The following ARFIP1 variants were observed in gnomAD, a reference collection of about 807,000 sequenced individuals.
ARFIP1 encodes ARF interacting protein 1.
A neutral mutation model predicts 42.5 loss-of-function variants in ARFIP1; 24 were observed. The observed-to-expected ratio is 0.57, with a 90% CI of 0.41 to 0.80. The LOEUF is 0.80. Among genes scored for constraint, ARFIP1 ranks in the 30% least tolerant of loss-of-function variants. The pLI, the probability that ARFIP1 is intolerant of heterozygous loss-of-function variation, is 0.00. For missense variants in ARFIP1, 354 were observed against 434.0 expected, an observed-to-expected ratio of 0.82 and a Z score of 1.64; for synonymous variants, 141 against 153.7, an observed-to-expected ratio of 0.92 and a Z score of 0.61.
At chr4:152,885,535 A>G (rs1236685368) in intron 7 of ARFIP1, among the ~76,000 whole-genome samples, 1 of 151,898 alleles carries the variant, frequency 6.6e-6, no homozygotes, top group Admixed American at 6.6e-5. Context: ...GCAACCTTGA[A>G]GTGAAGTTGC....
At chr4:152,864,318 T>A (rs1417018931) in intron 3 of ARFIP1, among the ~76,000 whole-genome samples, 2 of 152,208 alleles carry the variant, frequency 1.3e-5, no homozygotes, top group African/African-American at 4.8e-5. Context: ...TAATATTCTT[T>A]AAGCATTCTT....
At chr4:152,888,617 C>G (rs965927778) in intron 8 of ARFIP1, among the ~76,000 whole-genome samples, 18 of 152,088 alleles carry the variant, frequency 1.2e-4, no homozygotes, top group African/African-American at 9.7e-5. Flanking sequence ...AGATTATGCT[C>G]TGAATATTTT....
chr4:152,874,130 C>T (rs1194355567), intron 5 of ARFIP1, among the ~76,000 whole-genome samples: 8 of 151,980 alleles, frequency 5.3e-5, no homozygotes, highest in African/African-American at 1.2e-4. Context: ...TCTATTTGTT[C>T]CTATGTGTTT....
intron 8 of ARFIP1, among the ~76,000 whole-genome samples, chr4:152,894,540 A>C (rs1258072175): frequency 2.0e-5 from 3 of 152,226 alleles, no homozygotes; most frequent in Non-Finnish European, 4.4e-5. Context: ...TCTAAAGCAA[A>C]AACAGTAGTA....
intron 1 of ARFIP1, among the ~76,000 whole-genome samples, chr4:152,829,080 C>T (rs1398150908): frequency 2.0e-5 from 3 of 152,218 alleles, no homozygotes; most frequent in South Asian, 4.1e-4. Context: ...ACCTATTTGT[C>T]TGTTCTTTCA....
intron 8 of ARFIP1, among the ~76,000 whole-genome samples, chr4:152,891,821 G>A (rs573772367): frequency 2.7e-5 from 4 of 150,780 alleles, no homozygotes; most frequent in Admixed American, 6.6e-5. Flanking sequence ...CAGTTCTCTT[G>A]CCTCAGCCTC....
intron 8 of ARFIP1, among the ~76,000 whole-genome samples, chr4:152,909,350 A>G (rs1002326556): frequency 3.9e-5 from 6 of 152,236 alleles, no homozygotes; most frequent in African/African-American, 1.4e-4. Context: ...GTGCCACTGC[A>G]TAACAGCCTG....
At chr4:152,811,090 C>CTTTTTTTTTT (rs5863021) in intron 1 of ARFIP1, among the ~76,000 whole-genome samples, 1 of 74,430 alleles carries the variant, frequency 1.3e-5, no homozygotes, top group Non-Finnish European at 2.5e-5. Context: ...AAGGTTAAGC[C>CTTTTTTTTTT]TTTTTTTTTT....
intron 8 of ARFIP1, among the ~76,000 whole-genome samples, chr4:152,898,228 C>T (rs951963956): frequency 2.6e-5 from 4 of 151,898 alleles, no homozygotes; most frequent in East Asian, 1.9e-4. Flanking sequence ...GTGATCCACC[C>T]GCCTCGCCCT....
intron 1 of ARFIP1, among the ~76,000 whole-genome samples, chr4:152,782,220 AG>A (rs1195113041): frequency 2.1e-5 from 2 of 95,670 alleles, no homozygotes; most frequent in Non-Finnish European, 4.2e-5. Context: ...GAAAACAGGT[AG>A]GGGTGTGTGT....
chr4:152,815,434 T>C (rs184509153), intron 1 of ARFIP1, among the ~76,000 whole-genome samples: 16 of 152,352 alleles, frequency 1.1e-4, no homozygotes, highest in Non-Finnish European at 1.8e-4. Flanking sequence ...GTCTTCTAAA[T>C]TTCTTATTCC....
At position 152,811,532 on chromosome 4, in the gene ARFIP1, C is replaced by G. The variant is rs960713445; in HGVS notation, c.-9-18093C>G. 3.3e-5 allele frequency among the ~76,000 whole-genome samples: 5 copies of G among 151,974 alleles called. No homozygotes were observed. The East Asian group carries it at 5.8e-4, about 18-fold the overall frequency. ...AATTTCAGCAAATGTTCATAGATAT[C>G]AAAGTACATTTCATGTTCCAGAAAT... On this transcript the variant is annotated intron_variant, in intron 1 of 8. Coordinates refer to ENST00000353617, the MANE Select transcript of ARFIP1 (RefSeq NM_001025595.3).
intron 1 of ARFIP1, among the ~76,000 whole-genome samples, chr4:152,780,875 T>A (rs1730445852): frequency 6.6e-6 from 1 of 152,236 alleles, no homozygotes; most frequent in Non-Finnish European, 1.5e-5. Flanking sequence ...TCCCTTTTAC[T>A]TTATTTTGTT....
chr4:152,861,081 A>G (rs531207819), intron 2 of ARFIP1, among the ~76,000 whole-genome samples: 2 of 152,366 alleles, frequency 1.3e-5, no homozygotes, highest in Admixed American at 1.3e-4. Context: ...TTGACCTTTC[A>G]GAATGGAAAT....
At chr4:152,839,266 T>G (rs531502778) in intron 2 of ARFIP1, among the ~76,000 whole-genome samples, 1 of 152,222 alleles carries the variant, frequency 6.6e-6, no homozygotes, top group Non-Finnish European at 1.5e-5. Context: ...CCTTTCCTGG[T>G]TTTGGTATTA....
intron 1 of ARFIP1, among the ~76,000 whole-genome samples, chr4:152,790,683 T>G (rs1421116367): frequency 6.6e-6 from 1 of 152,046 alleles, no homozygotes; most frequent in Non-Finnish European, 1.5e-5. Flanking sequence ...GTAACTATTT[T>G]GTCAGGGCTT....
chr4:152,792,256 T>G (rs901935824), intron 1 of ARFIP1, among the ~76,000 whole-genome samples: 28 of 152,208 alleles, frequency 1.8e-4, no homozygotes, highest in African/African-American at 6.8e-4. Context: ...TTTCAAACTT[T>G]TTTTTACTAA....
At chr4:152,888,364 G>A (rs976709797) in intron 8 of ARFIP1, 57 bp downstream of exon 8, 2 of 1,246,544 alleles carry the variant, frequency 1.6e-6, no homozygotes, top group Admixed American at 3.1e-5. Flanking sequence ...CCTAAAGAGA[G>A]ATAGTCAGTT....
intron 1 of ARFIP1, among the ~76,000 whole-genome samples, chr4:152,789,764 A>G (rs951117252): frequency 6.6e-6 from 1 of 152,030 alleles, no homozygotes; most frequent in Admixed American, 6.6e-5. Flanking sequence ...GGCCACTGGG[A>G]GCTCTTTTAG....
Sources: gnomAD v4.1 joint callset for allele counts (sites outside exome capture counted in the v4.1 genomes callset) on GRCh38, gnomAD v4.1.1 for gene constraint, MANE v1.5 for transcripts, NCBI Gene and HGNC (gene_info 2026-07-23, HGNC 2026-07-21) for gene names.